The following CDC42 variants were observed in gnomAD, a reference collection of about 807,000 sequenced individuals.
The protein encoded by CDC42 is cell division cycle 42, also known as cell division control protein 42 homolog.
CDC42 carries 1 observed loss-of-function variant against 20.8 expected under a neutral mutation model. The observed-to-expected ratio is 0.05, with a 90% CI of 0.02 to 0.23. The LOEUF is 0.23. Ranked by LOEUF, CDC42 falls within the 10% of genes least tolerant of loss-of-function variation. The pLI, the probability that CDC42 is intolerant of heterozygous loss-of-function variation, is 1.00. For synonymous variants in CDC42, 72 were observed against 84.8 expected, an observed-to-expected ratio of 0.85 and a Z score of 0.83; for missense variants, 49 against 227.9, an observed-to-expected ratio of 0.21 and a Z score of 5.05.
At chr1:22,059,814 G>A (rs557246370) in intron 1 of CDC42, 1 of 152,320 alleles carries the variant, frequency 6.6e-6, no homozygotes, top group South Asian at 2.1e-4. Flanking sequence ...AAAGTGCTGG[G>A]ATTACAGGCG....
intron 1 of CDC42, among the ~76,000 whole-genome samples, chr1:22,060,884 A>T (rs12029550): frequency 0.048 from 7,352 of 152,312 alleles, 285 homozygotes; most frequent in East Asian, 0.18. Flanking sequence ...AGTTTGGTTT[A>T]TAACTTGAAA....
chr1:22,057,590 G>T (rs901253774), intron 1 of CDC42, among the ~76,000 whole-genome samples: 4 of 151,824 alleles, frequency 2.6e-5, no homozygotes, highest in African/African-American at 9.7e-5. Flanking sequence ...CTCTATGTTG[G>T]TCAGGCTGGT....
chr1:22,070,322 C>T (rs372301075), intron 1 of CDC42, among the ~76,000 whole-genome samples: 1 of 152,030 alleles, frequency 6.6e-6, no homozygotes, highest in Admixed American at 6.6e-5. Flanking sequence ...AAATATTTGC[C>T]CTGGCATGCT....
chr1:22,068,039 GCCA>G (rs1645443473), intron 1 of CDC42, among the ~76,000 whole-genome samples: 1 of 151,998 alleles, frequency 6.6e-6, no homozygotes, highest in Non-Finnish European at 1.5e-5. Flanking sequence ...CTGTGATTGA[GCCA>G]CTCCACTCTG....
rs1363014489 is a variant in CDC42, at chr1:22,097,453, G to A, written c.*5936G>A. Among the ~76,000 whole-genome samples, 2 of 152,174 alleles carry A rather than the reference G, an allele frequency of 1.3e-5. No individual in the cohort carries two copies. The highest frequency in any genetic ancestry group is 4.8e-5 in the African/African-American group (2 of 41,442). On this transcript the variant is annotated 3_prime_UTR_variant, in exon 6 of 6. Coordinates refer to ENST00000656825, the MANE Select transcript of CDC42 (RefSeq NM_001791.4). The stretch of plus-strand genomic sequence containing the variant: ...GATGGGGTTTCACCATGTTGGCCAG[G>A]CTGGTCTTGAACTCCTGACCTCAGG...
rs1645735678 is a variant in CDC42 at position 22,093,533 on chromosome 1, AAACTAAG to A, written c.*2020_*2026del. On this transcript the variant is annotated 3_prime_UTR_variant, in exon 6 of 6. Coordinates refer to ENST00000656825, the MANE Select transcript of CDC42 (RefSeq NM_001791.4). Reference sequence around the variant, plus strand: ...ATACTGATCTGCATGAGAATCTTAGAAACTAAGAACCCTTAAAATCAGTTAAGGTTGG... The same window carrying A: ...ATACTGATCTGCATGAGAATCTTAGAAACCCTTAAAATCAGTTAAGGTTGG... Among the ~76,000 whole-genome samples the A allele has an allele frequency of 6.6e-6, 1 of 152,228 alleles. No homozygotes were observed.
Position 22,077,484 on chromosome 1 carries a change from G to C in CDC42, c.-50-945G>C, listed in dbSNP as rs767896911. Among the ~76,000 whole-genome samples, 42 of 151,982 alleles carry C rather than the reference G, an allele frequency of 2.8e-4. 1 individual carries two copies. Among genetic ancestry groups the C allele is most frequent in the Non-Finnish European group, 1.6e-4 (11 of 68,000 alleles). On this transcript the variant is annotated intron_variant, in intron 1 of 5. Coordinates refer to ENST00000656825, the MANE Select transcript of CDC42 (RefSeq NM_001791.4). ...TTATGTTTAATTATAACCCCTTTAGGATTATAATTTAAATTAATTTAAATA... is the reference window on the plus strand; with the variant it reads ...TTATGTTTAATTATAACCCCTTTAGCATTATAATTTAAATTAATTTAAATA...
At chr1:22,077,760 T>A (rs757034117) in intron 1 of CDC42, among the ~76,000 whole-genome samples, 2 of 152,230 alleles carry the variant, frequency 1.3e-5, no homozygotes, top group African/African-American at 2.4e-5. Flanking sequence ...GGAGGAGGAC[T>A]CTAGTAAGAG....
At position 22,070,443 on chromosome 1, in the gene CDC42, C is replaced by CT. The variant is rs567184632; in HGVS notation, c.-50-7948dup. ...CCTTTGTTGTCCTCTGCCTTTGCCT[C>CT]TTTTTTTTTTTTTTTTTTTTTTTTT... On this transcript the variant is annotated intron_variant, in intron 1 of 5. Coordinates refer to ENST00000656825, the MANE Select transcript of CDC42 (RefSeq NM_001791.4). Among the ~76,000 whole-genome samples the CT allele has an allele frequency of 2.8e-4, 17 of 60,370 alleles. 1 individual carries two copies. The highest frequency in any genetic ancestry group is 4.1e-4 in the Non-Finnish European group (14 of 34,184). 39.6% of individuals were successfully genotyped at this position (60,370 alleles called of 152,430 possible).
chr1:22,088,330 C>T (rs1226185789), intron 5 of CDC42, among the ~76,000 whole-genome samples: 2 of 152,144 alleles, frequency 1.3e-5, no homozygotes, highest in Non-Finnish European at 2.9e-5. Flanking sequence ...TGTGGATTCA[C>T]TTTTAGGTTA....
chr1:22,086,392 C>CT lies in CDC42; in HGVS notation c.179-47_179-46insT, dbSNP rs746328036. The CT allele has an allele frequency of 2.3e-6, 3 of 1,316,270 alleles. No homozygotes were observed. In the Admixed American group the frequency reaches 5.8e-5, roughly 25 times the overall value. 81.5% of individuals were successfully genotyped at this position (1,316,270 alleles called of 1,614,324 possible). A position where few individuals can be genotyped will look rare whatever the true frequency, so the allele number is the denominator to read the frequency against. On this transcript the variant is annotated intron_variant, in intron 3 of 5. Coordinates refer to ENST00000656825, the MANE Select transcript of CDC42 (RefSeq NM_001791.4). ...GCATGCTTTTAACACTTTGAGGACACCAAGATTCAGTTGCTGAATTCTCTC... is the reference window on the plus strand; with the variant it reads ...GCATGCTTTTAACACTTTGAGGACACTCAAGATTCAGTTGCTGAATTCTCTC...
intron 5 of CDC42, 51 bp from the exon 6 acceptor site, chr1:22,091,377 T>G (rs781665581): frequency 8.3e-7 from 1 of 1,205,088 alleles, no homozygotes; most frequent in Non-Finnish European, 1.2e-6. Context: ...AACTCCAACT[T>G]TATTATACTG....
chr1:22,055,490 A>AT (rs35959719), intron 1 of CDC42, among the ~76,000 whole-genome samples: 30,399 of 137,448 alleles, frequency 0.22, 3,392 homozygotes, highest in East Asian at 0.3. Flanking sequence ...AAAATTGGTG[A>AT]TTTTTTTTTT....
rs1645732174 is a variant in CDC42, at chr1:22,092,979, TCTTA to T, written c.*1466_*1469del. The T allele has an allele frequency of 6.6e-6, 1 of 152,648 alleles. No homozygotes were observed. Among genetic ancestry groups the T allele is most frequent in the Non-Finnish European group, 1.5e-5 (1 of 68,038 alleles). The allele number at this position is 152,648 out of a possible 1,614,324, so 9.5% of individuals were successfully genotyped here. A position where few individuals can be genotyped will look rare whatever the true frequency, so the allele number is the denominator to read the frequency against. On this transcript the variant is annotated 3_prime_UTR_variant, in exon 6 of 6. Coordinates refer to ENST00000656825, the MANE Select transcript of CDC42 (RefSeq NM_001791.4). ...TGAGGGTTGTTATTTTCCCTCCGTCTCTTACTTTTCAGATATTGAGGAGTGGGAA... is the reference window on the plus strand; with the variant it reads ...TGAGGGTTGTTATTTTCCCTCCGTCTCTTTTCAGATATTGAGGAGTGGGAA...
chr1:22,084,137 G>T (rs995388282), intron 3 of CDC42, among the ~76,000 whole-genome samples: 1 of 152,098 alleles, frequency 6.6e-6, no homozygotes, highest in Non-Finnish European at 1.5e-5. Flanking sequence ...ATCAACATGG[G>T]TATACAGATA....
At chr1:22,066,769 G>T (rs983429576) in intron 1 of CDC42, among the ~76,000 whole-genome samples, 5 of 152,034 alleles carry the variant, frequency 3.3e-5, no homozygotes, top group African/African-American at 1.2e-4. Context: ...TGTTGGTAAA[G>T]ACTTCAAGGC....
rs982830610 is a variant in CDC42, at chr1:22,095,658, T to C, written c.*4141T>C. On this transcript the variant is annotated 3_prime_UTR_variant, in exon 6 of 6. Transcript: ENST00000656825. Reference sequence around the variant, plus strand: ...TCCTTATTTTATTCACTTGCCAGAATAATGTTGCATTTGAACCATGCCAAC... The same window carrying C: ...TCCTTATTTTATTCACTTGCCAGAACAATGTTGCATTTGAACCATGCCAAC... 6.6e-6 allele frequency among the ~76,000 whole-genome samples: 1 copy of C among 152,236 alleles called. No individual in the cohort carries two copies. Among genetic ancestry groups the C allele is most frequent in the Non-Finnish European group, 1.5e-5 (1 of 68,042 alleles).
In CDC42 at chr1:22,100,026, CTTCTTTTT is replaced by C. The variant is rs1333173392; in HGVS notation, c.*8512_*8519del. 8.7e-5 allele frequency among the ~76,000 whole-genome samples: 5 copies of C among 57,584 alleles called. No individual in the cohort carries two copies. The highest frequency in any genetic ancestry group is 4.1e-4 in the Admixed American group (2 of 4,830). The allele number at this position is 57,584 out of a possible 152,430, so 37.8% of individuals were successfully genotyped here. On this transcript the variant is annotated 3_prime_UTR_variant, in exon 6 of 6. Transcript: ENST00000656825. The stretch of plus-strand genomic sequence containing the variant: ...CCTTTTTTTCTTTCTTCTTCTTCTT[CTTCTTTTT>C]TTTTTTTTTTGTATAATAGGCCTGT...
chr1:22,086,144 C>T (rs1645660376), intron 3 of CDC42, among the ~76,000 whole-genome samples: 1 of 152,150 alleles, frequency 6.6e-6, no homozygotes, highest in Non-Finnish European at 1.5e-5. Context: ...TTAACCATTT[C>T]TGTAGCAAGA....
Sources: allele counts gnomAD v4.1 joint callset (sites outside exome capture counted in the v4.1 genomes callset), GRCh38; gene constraint gnomAD v4.1.1; transcripts MANE v1.5; gene names NCBI Gene and HGNC (gene_info 2026-07-23, HGNC 2026-07-21).